Variants in REEP5 observed in about 807,000 individuals in gnomAD.
The protein encoded by REEP5 is receptor expression-enhancing protein 5.
In REEP5, 24 loss-of-function variants were observed where a neutral mutation model predicts 22.4. The ratio of observed to expected loss-of-function variants is 1.07; its 90% CI spans 0.78 to 1.51. The LOEUF is 1.51. Ranked by LOEUF, REEP5 falls within the 40% of genes most tolerant of loss-of-function variation. The pLI, the probability that REEP5 is intolerant of heterozygous loss-of-function variation, is 0.00. For missense variants in REEP5, 252 were observed against 233.0 expected (o/e 1.08, Z -0.53); for synonymous variants, 103 against 88.6 (o/e 1.16, Z -0.92).
chr5:112,921,669 A>G (rs153557), intron 1 of REEP5: 121,793 of 230,406 alleles, frequency 0.53, 35,876 homozygotes, highest in African/African-American at 0.86. Flanking sequence ...CCCACCCGAG[A>G]GGCGCCCTCT....
intron 4 of REEP5, among the ~76,000 whole-genome samples, chr5:112,879,516 C>T (rs1158206395): frequency 1.3e-5 from 2 of 152,152 alleles, no homozygotes; most frequent in South Asian, 2.1e-4. Flanking sequence ...CTCTGTCACC[C>T]AGCCTGGAGT....
chr5:112,906,344 A>C (rs1239614783), intron 2 of REEP5, among the ~76,000 whole-genome samples: 1 of 152,232 alleles, frequency 6.6e-6, no homozygotes, highest in East Asian at 1.9e-4. Flanking sequence ...TCACTATCCT[A>C]TGCTATTTTA....
Position 112,887,071 on chromosome 5 carries a change from A to G in REEP5, c.464T>C (p.Val155Ala). 2 of 1,613,700 alleles carry G rather than the reference A, an allele frequency of 1.2e-6. No homozygotes were observed. Among genetic ancestry groups the G allele is most frequent in the South Asian group, 2.2e-5 (2 of 91,042 alleles). ...FLKHESQMDS[V>A]VKDLKDKAKE... is the part of the protein sequence containing the mutation. ...GGCCTTGTCTTTAAGGTCCTTGACC[A>G]CACTGTCCATCTGGGACTCGTGCTT... The change falls in exon 4 of 5, where the codon GTG becomes GCG. Residue 155 changes from valine to alanine, a missense_variant. By Grantham distance (64) the Val-to-Ala change is moderately conservative. Transcript: ENST00000379638.
At chr5:112,891,598 C>T in intron 3 of REEP5, 1 of 1,561,542 alleles carries the variant, frequency 6.4e-7, no homozygotes, top group Non-Finnish European at 8.7e-7. Context: ...CATATATTCC[C>T]ATAGGTTAAG....
chr5:112,903,950 G>C (rs1768900275), intron 2 of REEP5, among the ~76,000 whole-genome samples: 1 of 152,052 alleles, frequency 6.6e-6, no homozygotes, highest in African/African-American at 2.4e-5. Context: ...CTTCACTTCA[G>C]CCTCCCAAGT....
chr5:112,883,279 T>G (rs1768133032), intron 4 of REEP5, among the ~76,000 whole-genome samples: 1 of 152,074 alleles, frequency 6.6e-6, no homozygotes, highest in African/African-American at 2.4e-5. Flanking sequence ...CAATCAGGAG[T>G]TTGATATCAC....
Position 112,901,713 on chromosome 5 carries a change from G to GA in REEP5, c.351+666dup, listed in dbSNP as rs1348481525. Among the ~76,000 whole-genome samples, 912 of 130,520 alleles carry GA rather than the reference G, an allele frequency of 7.0e-3. 4 individuals are homozygous for GA. Among genetic ancestry groups the GA allele is most frequent in the Non-Finnish European group, 9.6e-3 (577 of 60,014 alleles). 85.6% of individuals were successfully genotyped at this position (130,520 alleles called of 152,430 possible). ...GGCAACAGACCAAGAGTCCATCTCA[G>GA]AAAAAAAAAAAAGGAGGTCAGATTG... On this transcript the variant is annotated intron_variant, in intron 3 of 4. Coordinates refer to ENST00000379638, the MANE Select transcript of REEP5 (RefSeq NM_005669.5).
In REEP5 at chr5:112,878,539, T is replaced by A. The variant is rs1767965687; in HGVS notation, c.*247A>T. 2.0e-6 allele frequency: 1 copy of A among 499,734 alleles called. No homozygotes were observed. Among genetic ancestry groups the A allele is most frequent in the African/African-American group, 1.9e-5 (1 of 51,328 alleles). The allele number at this position is 499,734 out of a possible 1,614,324, so 31.0% of individuals were successfully genotyped here. On this transcript the variant is annotated 3_prime_UTR_variant, in exon 5 of 5. Coordinates refer to ENST00000379638, the MANE Select transcript of REEP5 (RefSeq NM_005669.5). The stretch of plus-strand genomic sequence containing the variant: ...CTGCAGGATAGCAACATACATCTTT[T>A]CCTACCCAGAGGCAAAATACATTTT...
chr5:112,901,793 T>C (rs1768853536), intron 3 of REEP5, among the ~76,000 whole-genome samples: 1 of 149,906 alleles, frequency 6.7e-6, no homozygotes, highest in African/African-American at 2.5e-5. Flanking sequence ...ACCAACCCTG[T>C]CTCTACTAAA....
At position 112,878,848 on chromosome 5, in the gene REEP5, T is replaced by C. The variant is rs1248985029; in HGVS notation, c.521-13A>G. ...GTAGCTTTCTTCGCTGTTTGTTTGTTAGGAGGGAAAGAAAAATATATCAAA... is the reference window on the plus strand; with the variant it reads ...GTAGCTTTCTTCGCTGTTTGTTTGTCAGGAGGGAAAGAAAAATATATCAAA... On this transcript the variant is annotated splice_polypyrimidine_tract_variant and intron_variant, in intron 4 of 4. Transcript: ENST00000379638. The C allele has an allele frequency of 3.1e-6, 5 of 1,613,982 alleles. 1 individual carries two copies. Among genetic ancestry groups the C allele is most frequent in the Middle Eastern group, 1.6e-4 (1 of 6,062 alleles).
At chr5:112,916,925 A>G (rs1309515953) in intron 2 of REEP5, among the ~76,000 whole-genome samples, 1 of 152,208 alleles carries the variant, frequency 6.6e-6, no homozygotes, top group African/African-American at 2.4e-5. Context: ...GCACTTAGAC[A>G]GAGATATGTA....
intron 3 of REEP5, chr5:112,893,094 T>TAAAAAAAAAAAAAAAA (rs552226372): frequency 2.5e-4 from 123 of 501,462 alleles, no homozygotes; most frequent in Non-Finnish European, 2.8e-4. Context: ...GTTTTGTTCT[T>TAAAAAAAAAAAAAAAA]AAAAAAAAAA....
chr5:112,911,745 A>G (rs543980182), intron 2 of REEP5, among the ~76,000 whole-genome samples: 1 of 152,344 alleles, frequency 6.6e-6, no homozygotes, highest in South Asian at 2.1e-4. Flanking sequence ...CTTATACTCA[A>G]TGCTTAGGAA....
rs1767908213 is a variant in REEP5 at position 112,876,804 on chromosome 5, C to CTT, written c.*1980_*1981dup. The stretch of plus-strand genomic sequence containing the variant: ...CACTTAGACTGCCAGCAACAGTTAA[C>CTT]TTAAATTTTGGTCTCAAGGGAACAA... On this transcript the variant is annotated 3_prime_UTR_variant, in exon 5 of 5. Coordinates refer to ENST00000379638, the MANE Select transcript of REEP5 (RefSeq NM_005669.5). The CTT allele has an allele frequency of 6.6e-6, 1 of 151,970 alleles. No homozygotes were observed. Among genetic ancestry groups the CTT allele is most frequent in the South Asian group, 2.1e-4 (1 of 4,816 alleles). 9.4% of individuals were successfully genotyped at this position (151,970 alleles called of 1,614,324 possible).
intron 3 of REEP5, among the ~76,000 whole-genome samples, chr5:112,899,318 T>C (rs370731956): frequency 1.3e-5 from 2 of 151,880 alleles, no homozygotes; most frequent in East Asian, 3.9e-4. Context: ...ATTTTTAAAT[T>C]TGTGTGTGTG....
At chr5:112,908,094 G>GTTTTTT (rs1168506605) in intron 2 of REEP5, among the ~76,000 whole-genome samples, 3 of 72,622 alleles carry the variant, frequency 4.1e-5, no homozygotes, top group African/African-American at 1.2e-4. Context: ...GACTTTCTTT[G>GTTTTTT]TTTTTTGTTT....
At chr5:112,902,285 G>A (rs1768869334) in intron 3 of REEP5, 95 bp downstream of exon 3, 1 of 1,268,278 alleles carries the variant, frequency 7.9e-7, no homozygotes, top group Non-Finnish European at 1.1e-6. Flanking sequence ...TATAATCTGA[G>A]ACAGAGCCAC....
At chr5:112,892,790 G>A in intron 3 of REEP5, 3 of 1,614,034 alleles carry the variant, frequency 1.9e-6, no homozygotes, top group Non-Finnish European at 2.5e-6. Context: ...AGGCAGCGGG[G>A]AAGGAGAAAC....
intron 2 of REEP5, among the ~76,000 whole-genome samples, chr5:112,915,375 C>T (rs976632963): frequency 3.3e-5 from 5 of 152,140 alleles, no homozygotes; most frequent in African/African-American, 1.2e-4. Flanking sequence ...CACAGGCAAG[C>T]GGGCGAACCT....
Sources: gnomAD v4.1 joint callset for allele counts (sites outside exome capture counted in the v4.1 genomes callset) on GRCh38, gnomAD v4.1.1 for gene constraint, MANE v1.5 for transcripts, NCBI Gene and HGNC (gene_info 2026-07-23, HGNC 2026-07-21) for gene names.